TMPRSS11F: variants seen among roughly 807,000 people sequenced by gnomAD.
The protein encoded by TMPRSS11F is transmembrane serine protease 11F.
A neutral mutation model predicts 60.2 loss-of-function variants in TMPRSS11F; 47 were observed. That is an observed-to-expected ratio of 0.78 (90% CI 0.62 to 1.00). The LOEUF (loss-of-function observed/expected upper bound fraction) is 1.00. Among genes scored for constraint, TMPRSS11F ranks in the 50% least tolerant of loss-of-function variants. The pLI, the probability that TMPRSS11F is intolerant of heterozygous loss-of-function variation, is 0.00. For synonymous variants in TMPRSS11F, 166 were observed against 167.3 expected (o/e 0.99, Z 0.06); for missense variants, 519 against 522.9 (o/e 0.99, Z 0.07).
chr4:68,060,349 T>TAGAAA (rs1723137378), intron 8 of TMPRSS11F, among the ~76,000 whole-genome samples: 3 of 129,002 alleles, frequency 2.3e-5, no homozygotes, highest in African/African-American at 9.1e-5. Flanking sequence ...CTACTAAAAA[T>TAGAAA]ACAAAAAAAA....
chr4:68,075,799 C>A (rs2109849845), intron 3 of TMPRSS11F, among the ~76,000 whole-genome samples: 1 of 152,144 alleles, frequency 6.6e-6, no homozygotes, highest in South Asian at 2.1e-4. Context: ...TCGAGACCAT[C>A]CTGGCTAACA....
At chr4:68,076,398 C>A (rs550557654) in intron 3 of TMPRSS11F, among the ~76,000 whole-genome samples, 1 of 152,340 alleles carries the variant, frequency 6.6e-6, no homozygotes, top group East Asian at 1.9e-4. Context: ...ACATCCCCAA[C>A]AGAGGGCACT....
chr4:68,088,241 T>A (rs969435533), intron 3 of TMPRSS11F, among the ~76,000 whole-genome samples: 1 of 151,484 alleles, frequency 6.6e-6, no homozygotes, highest in Non-Finnish European at 1.5e-5. Context: ...GGGTTTGCAA[T>A]CCTAGTCTCT....
chr4:68,062,367 T>A (rs541320320), intron 8 of TMPRSS11F: 1 of 498,336 alleles, frequency 2.0e-6, no homozygotes, highest in African/African-American at 1.9e-5. Flanking sequence ...CAGATACACA[T>A]ATTTTCTTCA....
chr4:68,062,163 A>C lies in TMPRSS11F; in HGVS notation c.1015+2522T>G, dbSNP rs111251726. ...ACTATGTTTTATAAATAATATGTAGAGTGATATTAAAATTATATTGCGACT... is the reference window on the plus strand; with the variant it reads ...ACTATGTTTTATAAATAATATGTAGCGTGATATTAAAATTATATTGCGACT... On this transcript the variant is annotated intron_variant, in intron 8 of 9. Transcript: ENST00000356291. 2.2e-3 allele frequency: 938 copies of C among 417,062 alleles called. 10 individuals are homozygous for C. The highest frequency in any genetic ancestry group is 0.018 in the African/African-American group (865 of 48,228). 25.8% of individuals were successfully genotyped at this position (417,062 alleles called of 1,614,324 possible).
chr4:68,099,830 T>C (rs775374929), intron 1 of TMPRSS11F, among the ~76,000 whole-genome samples: 32 of 152,156 alleles, frequency 2.1e-4, no homozygotes, highest in Non-Finnish European at 4.1e-4. Flanking sequence ...CCTAAATGTA[T>C]ACAGATTTTA....
At chr4:68,063,188 C>T (rs564946695) in intron 8 of TMPRSS11F, 64 of 599,218 alleles carry the variant, frequency 1.1e-4, no homozygotes, top group African/African-American at 1.0e-3. Context: ...CTGACAAAAA[C>T]CCAACTGCCT....
chr4:68,068,532 G>A, intron 7 of TMPRSS11F, 86 bp downstream of exon 7: 1 of 1,151,416 alleles, frequency 8.7e-7, no homozygotes, highest in African/African-American at 1.5e-5. Context: ...AGGTTAAACT[G>A]GAGAGACTGG....
intron 5 of TMPRSS11F, 73 bp downstream of exon 5, chr4:68,072,250 T>TATATATATATA (rs537020566): frequency 1.5e-4 from 34 of 224,050 alleles, no homozygotes; most frequent in East Asian, 6.6e-4. Flanking sequence ...TATATATATA[T>TATATATATATA]TGCTTACAAA....
At chr4:68,122,893 C>A (rs1166122632) in intron 1 of TMPRSS11F, among the ~76,000 whole-genome samples, 1 of 152,120 alleles carries the variant, frequency 6.6e-6, no homozygotes, top group African/African-American at 2.4e-5. Flanking sequence ...TCCGACTTAC[C>A]ATTATCAGAA....
chr4:68,077,125 G>A (rs533239486), intron 3 of TMPRSS11F, among the ~76,000 whole-genome samples: 1 of 152,204 alleles, frequency 6.6e-6, no homozygotes, highest in African/African-American at 2.4e-5. Context: ...AATCAGTCCT[G>A]CAAGAAGGGT....
chr4:68,091,054 C>T (rs1051729627), intron 2 of TMPRSS11F, among the ~76,000 whole-genome samples: 5 of 152,136 alleles, frequency 3.3e-5, no homozygotes, highest in Non-Finnish European at 7.4e-5. Flanking sequence ...TTTTATGCTA[C>T]TGCTAAGCTT....
At chr4:68,080,889 T>C (rs1723685171) in intron 3 of TMPRSS11F, 1 of 152,198 alleles carries the variant, frequency 6.6e-6, no homozygotes, top group Admixed American at 6.5e-5. Flanking sequence ...GGAAGTTCTG[T>C]CATCACACAT....
intron 1 of TMPRSS11F, among the ~76,000 whole-genome samples, chr4:68,101,103 T>A: frequency 6.6e-6 from 1 of 152,314 alleles, no homozygotes; most frequent in East Asian, 1.9e-4. Flanking sequence ...AAATATCACA[T>A]TATGGTAGCA....
chr4:68,092,693 A>G (rs1723968516), intron 2 of TMPRSS11F, among the ~76,000 whole-genome samples: 1 of 150,626 alleles, frequency 6.6e-6, no homozygotes. Flanking sequence ...GCACATCTTG[A>G]TAAGATTTCA....
intron 8 of TMPRSS11F, chr4:68,062,676 T>C (rs1360727319): frequency 1.3e-6 from 1 of 760,782 alleles, no homozygotes; most frequent in South Asian, 1.3e-5. Context: ...TTTCTTCTCA[T>C]GCTGCTTTTG....
At chr4:68,098,821 A>G in intron 2 of TMPRSS11F, 66 bp downstream of exon 2, 10 of 1,428,316 alleles carry the variant, frequency 7.0e-6, no homozygotes, top group Non-Finnish European at 9.5e-6. Context: ...TTTTTATACA[A>G]CAGAAAATTT....
rs370189875 is a variant in TMPRSS11F at position 68,124,945 on chromosome 4, A to ATTTTTTTTT, written c.11+4856_11+4864dup. 8.0e-4 allele frequency among the ~76,000 whole-genome samples: 75 copies of ATTTTTTTTT among 94,098 alleles called. 2 individuals carry two copies. Among genetic ancestry groups the ATTTTTTTTT allele is most frequent in the African/African-American group, 2.4e-3 (64 of 26,156 alleles). The allele number at this position is 94,098 out of a possible 152,430, so 61.7% of individuals were successfully genotyped here. ...TGACATTCTAAGTATCTAAACCAGC[A>ATTTTTTTTT]TTTTTTTTTTTTTTTTTTTTTTACA... On this transcript the variant is annotated intron_variant, in intron 1 of 9. Transcript: ENST00000356291.
chr4:68,102,744 T>C (rs11131737), intron 1 of TMPRSS11F, among the ~76,000 whole-genome samples: 33,184 of 152,166 alleles, frequency 0.22, 4,069 homozygotes, highest in Admixed American at 0.37. Context: ...CGGTTGCAAA[T>C]ATTTTTCCCA....
Sources: allele counts gnomAD v4.1 joint callset (sites outside exome capture counted in the v4.1 genomes callset), GRCh38; gene constraint gnomAD v4.1.1; transcripts MANE v1.5; gene names NCBI Gene and HGNC (gene_info 2026-07-23, HGNC 2026-07-21).